The following SIPA1L1 variants were observed in gnomAD, a reference collection of about 807,000 sequenced individuals.
SIPA1L1 encodes the protein signal induced proliferation associated 1 like 1.
A neutral mutation model predicts 162.7 loss-of-function variants in SIPA1L1; 26 were observed. That is an observed-to-expected ratio of 0.16 (90% CI 0.12 to 0.22). The LOEUF is 0.22. Among genes scored for constraint, SIPA1L1 ranks in the 10% least tolerant of loss-of-function variants. The probability of loss-of-function intolerance (pLI) is 1.00; values close to 1 mark genes in which losing one functional copy is unlikely to be tolerated. For missense variants in SIPA1L1, 1,874 were observed against 2,241.0 expected, an observed-to-expected ratio of 0.84 and a Z score of 3.31; for synonymous variants, 829 against 837.4, an observed-to-expected ratio of 0.99 and a Z score of 0.17.
chr14:71,734,440 G>A (rs1339215071), intron 21 of SIPA1L1, among the ~76,000 whole-genome samples: 1 of 152,192 alleles, frequency 6.6e-6, no homozygotes, highest in Non-Finnish European at 1.5e-5. Context: ...TTTGAATGAA[G>A]ACTGACTTTT....
At chr14:71,720,542 C>T (rs939088927) in intron 17 of SIPA1L1, among the ~76,000 whole-genome samples, 33 of 152,060 alleles carry the variant, frequency 2.2e-4, no homozygotes, top group African/African-American at 6.8e-4. Flanking sequence ...TGCACTCCAA[C>T]CTGGGTGGAG....
At chr14:71,580,511 A>G (rs1320807669) in intron 4 of SIPA1L1, among the ~76,000 whole-genome samples, 2 of 152,222 alleles carry the variant, frequency 1.3e-5, no homozygotes, top group African/African-American at 2.4e-5. Context: ...GTAAATGAGG[A>G]GATATAAGCA....
intron 5 of SIPA1L1, among the ~76,000 whole-genome samples, chr14:71,609,477 T>G (rs1244959811): frequency 6.9e-6 from 1 of 145,470 alleles, no homozygotes; most frequent in Admixed American, 6.8e-5. Flanking sequence ...TTTATTTATT[T>G]ATTTATTGAG....
intron 2 of SIPA1L1, among the ~76,000 whole-genome samples, chr14:71,356,847 A>G (rs2140770189): frequency 6.6e-6 from 1 of 151,532 alleles, no homozygotes. Flanking sequence ...GAGAAATTCC[A>G]GGGTTTTTTT....
chr14:71,358,433 G>A (rs1297999787), intron 2 of SIPA1L1, among the ~76,000 whole-genome samples: 3 of 152,148 alleles, frequency 2.0e-5, no homozygotes, highest in Non-Finnish European at 4.4e-5. Context: ...TTGCCATTAC[G>A]TGTATAGTCG....
chr14:71,331,469 T>C (rs1303993115), intron 2 of SIPA1L1, among the ~76,000 whole-genome samples: 1 of 152,242 alleles, frequency 6.6e-6, no homozygotes, highest in Non-Finnish European at 1.5e-5. Context: ...CGTATGAGGC[T>C]ACCAATTGGC....
chr14:71,601,619 T>C, intron 5 of SIPA1L1, among the ~76,000 whole-genome samples: 1 of 152,312 alleles, frequency 6.6e-6, no homozygotes. Flanking sequence ...ATGAGTTAGG[T>C]AGAATTCCAT....
At chr14:71,613,437 C>G (rs530979016) in intron 5 of SIPA1L1, among the ~76,000 whole-genome samples, 4 of 150,942 alleles carry the variant, frequency 2.7e-5, no homozygotes, top group African/African-American at 9.7e-5. Context: ...TGCATTATAT[C>G]ATTCTAATAT....
intron 5 of SIPA1L1, among the ~76,000 whole-genome samples, chr14:71,608,255 G>C (rs1182336904): frequency 1.3e-5 from 2 of 152,142 alleles, no homozygotes; most frequent in Non-Finnish European, 2.9e-5. Context: ...GACACTGCAT[G>C]GTCCCTGTCC....
intron 2 of SIPA1L1, among the ~76,000 whole-genome samples, chr14:71,341,318 A>AT (rs372642086): frequency 9.2e-5 from 14 of 152,286 alleles, no homozygotes; most frequent in African/African-American, 3.1e-4. Context: ...TGAGACATTT[A>AT]TTTTTTGGGG....
In SIPA1L1 at chr14:71,627,131, C is replaced by CTTTT. The variant is rs71105788; in HGVS notation, c.1818+2935_1818+2938dup. ...TGATGCCTTTCTGGGACTTTCACTACTTTTTTTTTTTTTTTTTTTTTTTTT... is the reference window on the plus strand; with the variant it reads ...TGATGCCTTTCTGGGACTTTCACTACTTTTTTTTTTTTTTTTTTTTTTTTTTTTT... On this transcript the variant is annotated intron_variant, in intron 7 of 23. Transcript: ENST00000381232. Among the ~76,000 whole-genome samples, 87 of 48,782 alleles carry CTTTT rather than the reference C, an allele frequency of 1.8e-3. 10 individuals carry two copies. Among genetic ancestry groups the CTTTT allele is most frequent in the Non-Finnish European group, 2.3e-3 (64 of 27,978 alleles). 32.0% of individuals were successfully genotyped at this position (48,782 alleles called of 152,430 possible). A position where few individuals can be genotyped will look rare whatever the true frequency, so the allele number is the denominator to read the frequency against.
chr14:71,374,428 T>C (rs1181517850), intron 2 of SIPA1L1, among the ~76,000 whole-genome samples: 3 of 151,900 alleles, frequency 2.0e-5, no homozygotes, highest in Non-Finnish European at 4.4e-5. Flanking sequence ...GCCTTCAAGG[T>C]TGCACACTAT....
intron 2 of SIPA1L1, among the ~76,000 whole-genome samples, chr14:71,481,253 T>C (rs1595693170): frequency 6.6e-6 from 1 of 152,096 alleles, no homozygotes; most frequent in South Asian, 2.1e-4. Flanking sequence ...CTGAGGTGGG[T>C]GGATAGCTTG....
intron 2 of SIPA1L1, chr14:71,330,820 T>A: frequency 1.7e-5 from 11 of 640,864 alleles, no homozygotes; most frequent in Middle Eastern, 4.4e-4. Context: ...ATTCTAGATA[T>A]TAACACCTTA....
rs145854741 is a variant in SIPA1L1 at position 71,546,350 on chromosome 14, C to T, written c.-303+16980C>T. 4.0e-3 allele frequency among the ~76,000 whole-genome samples: 595 copies of T among 149,512 alleles called. 3 individuals carry two copies. The highest frequency in any genetic ancestry group is 6.9e-3 in the Middle Eastern group (2 of 290). On this transcript the variant is annotated intron_variant, in intron 4 of 23. Transcript: ENST00000381232. ...AGCTTCTTCTCTTTTACTCTCTTCT[C>T]TCTGTATTGTTTTTTCTTTTTCTTT...
At chr14:71,684,660 C>T (rs1264798437) in intron 12 of SIPA1L1, among the ~76,000 whole-genome samples, 1 of 152,108 alleles carries the variant, frequency 6.6e-6, no homozygotes, top group East Asian at 1.9e-4. Flanking sequence ...TGTGAAGCTG[C>T]TCGTACACCG....
At chr14:71,713,807 A>T (rs1237289779) in intron 17 of SIPA1L1, among the ~76,000 whole-genome samples, 1 of 151,880 alleles carries the variant, frequency 6.6e-6, no homozygotes, top group Non-Finnish European at 1.5e-5. Context: ...TATGCCTTCC[A>T]TCTTTGTTTA....
intron 2 of SIPA1L1, among the ~76,000 whole-genome samples, chr14:71,453,818 A>G (rs1595542029): frequency 1.3e-5 from 2 of 151,888 alleles, no homozygotes; most frequent in Admixed American, 1.3e-4. Flanking sequence ...ACATGGTGCA[A>G]CCCTATCTCT....
chr14:71,731,761 A>T (rs933408317), intron 20 of SIPA1L1, among the ~76,000 whole-genome samples: 3 of 152,342 alleles, frequency 2.0e-5, no homozygotes, highest in African/African-American at 7.2e-5. Context: ...TAGAGGCCCC[A>T]TGTGAGTCCA....
Sources: allele counts gnomAD v4.1 joint callset (sites outside exome capture counted in the v4.1 genomes callset), GRCh38; gene constraint gnomAD v4.1.1; transcripts MANE v1.5; gene names NCBI Gene and HGNC (gene_info 2026-07-23, HGNC 2026-07-21).